SLC35D4: variants seen among roughly 807,000 people sequenced by gnomAD.
The protein encoded by SLC35D4 is UDP-N-acetylglucosamine transporter SLC35D4.
the SLC35D4 span, among the ~76,000 whole-genome samples, chr18:23,255,343 T>C: frequency 6.6e-6 from 1 of 152,108 alleles, no homozygotes. Flanking sequence ...TGTCTAGCTG[T>C]CTTCAGTGGC....
the SLC35D4 span, among the ~76,000 whole-genome samples, chr18:23,389,544 A>T: frequency 2.0e-5 from 3 of 151,584 alleles, no homozygotes; most frequent in Non-Finnish European, 4.4e-5. Flanking sequence ...ATATTAAGAC[A>T]GTTTGCACCT....
At chr18:23,324,383 C>T in the SLC35D4 span, among the ~76,000 whole-genome samples, 1 of 152,188 alleles carries the variant, frequency 6.6e-6, no homozygotes, top group Non-Finnish European at 1.5e-5. Context: ...AGACACCTTC[C>T]CTTGCTCTTT....
At chr18:23,355,491 G>A in the SLC35D4 span, among the ~76,000 whole-genome samples, 1 of 152,170 alleles carries the variant, frequency 6.6e-6, no homozygotes, top group Non-Finnish European at 1.5e-5. Context: ...CCAATTGACA[G>A]GAACTACGAA....
the SLC35D4 span, among the ~76,000 whole-genome samples, chr18:23,308,811 C>T: frequency 2.5e-3 from 385 of 151,394 alleles, 2 homozygotes; most frequent in Non-Finnish European, 3.9e-3. Flanking sequence ...ATGGAAAAAT[C>T]AAAGAAATGG....
the SLC35D4 span, among the ~76,000 whole-genome samples, chr18:23,376,496 T>TAGGAGCCTATAGC: frequency 6.6e-6 from 1 of 152,306 alleles, no homozygotes; most frequent in Non-Finnish European, 1.5e-5. Flanking sequence ...CTTGCTGACT[T>TAGGAGCCTATAGC]TCAAGGCACC....
chr18:23,349,528 G>C, the SLC35D4 span, among the ~76,000 whole-genome samples: 7 of 152,334 alleles, frequency 4.6e-5, no homozygotes, highest in South Asian at 6.2e-4. Flanking sequence ...CTACTCGGGA[G>C]GCTAAGGCAG....
the SLC35D4 span, among the ~76,000 whole-genome samples, chr18:23,269,218 C>A: frequency 6.6e-6 from 1 of 152,198 alleles, no homozygotes; most frequent in African/African-American, 2.4e-5. Flanking sequence ...TGGGAGGGAC[C>A]CAGTGGGAGA....
At chr18:23,303,537 T>C in the SLC35D4 span, among the ~76,000 whole-genome samples, 1 of 152,330 alleles carries the variant, frequency 6.6e-6, no homozygotes, top group South Asian at 2.1e-4. Context: ...CTGGGTTTCT[T>C]TGGCTCATTT....
At chr18:23,364,902 C>CAAAAAAAAAAA in the SLC35D4 span, among the ~76,000 whole-genome samples, 7 of 31,886 alleles carry the variant, frequency 2.2e-4, 1 homozygote, top group Admixed American at 6.6e-4. Flanking sequence ...GACTCTGTCT[C>CAAAAAAAAAAA]AAAAAAAAAA....
At chr18:23,267,667 C>T in the SLC35D4 span, among the ~76,000 whole-genome samples, 23 of 152,314 alleles carry the variant, frequency 1.5e-4, no homozygotes, top group East Asian at 1.9e-3. Flanking sequence ...GACTCTGTCC[C>T]GTTCCTCTGC....
chr18:23,327,151 G>C, the SLC35D4 span, among the ~76,000 whole-genome samples: 1 of 152,072 alleles, frequency 6.6e-6, no homozygotes, highest in Non-Finnish European at 1.5e-5. Flanking sequence ...GGAAAAGCAA[G>C]AACAAACAAA....
At chr18:23,252,061 G>A in the SLC35D4 span, among the ~76,000 whole-genome samples, 59 of 151,682 alleles carry the variant, frequency 3.9e-4, no homozygotes, top group East Asian at 7.0e-3. Flanking sequence ...ACTCCAGCCT[G>A]GGCAACAAAG....
the SLC35D4 span, among the ~76,000 whole-genome samples, chr18:23,279,486 C>A: frequency 6.6e-6 from 1 of 152,148 alleles, no homozygotes; most frequent in African/African-American, 2.4e-5. Flanking sequence ...ACTCCCAGTA[C>A]CTCCGAATGT....
chr18:23,385,232 G>GT, the SLC35D4 span, among the ~76,000 whole-genome samples: 1 of 152,200 alleles, frequency 6.6e-6, no homozygotes, highest in African/African-American at 2.4e-5. Context: ...CTTTGCTGCA[G>GT]TATTTCTCTG....
the SLC35D4 span, among the ~76,000 whole-genome samples, chr18:23,324,370 C>T: frequency 2.0e-5 from 3 of 152,198 alleles, no homozygotes; most frequent in South Asian, 4.1e-4. Flanking sequence ...GGGAATCGAG[C>T]TAAGACACCT....
the SLC35D4 span, among the ~76,000 whole-genome samples, chr18:23,279,086 G>A: frequency 2.0e-5 from 3 of 152,022 alleles, no homozygotes; most frequent in Non-Finnish European, 4.4e-5. Context: ...TGATCTGGCA[G>A]TGCCTTTGTC....
At chr18:23,411,443 AAAG>A in the SLC35D4 span, among the ~76,000 whole-genome samples, 1 of 151,036 alleles carries the variant, frequency 6.6e-6, no homozygotes, top group Non-Finnish European at 1.5e-5. Flanking sequence ...ACAGACAGAA[AAAG>A]AAGGATAAAG....
the SLC35D4 span, among the ~76,000 whole-genome samples, chr18:23,408,148 GACACAC>G: frequency 0.02 from 2,770 of 136,234 alleles, 71 homozygotes; most frequent in African/African-American, 0.077. Context: ...ACTGGCCTGA[GACACAC>G]ACACACACAC....
the SLC35D4 span, among the ~76,000 whole-genome samples, chr18:23,362,335 A>C: frequency 2.3e-3 from 353 of 152,340 alleles, 2 homozygotes; most frequent in Non-Finnish European, 4.2e-3. Context: ...GTGGTGGCTC[A>C]TGCCTGTAAT....
Sources: gnomAD v4.1 joint callset for allele counts (sites outside exome capture counted in the v4.1 genomes callset) on GRCh38, gnomAD v4.1.1 for gene constraint, MANE v1.5 for transcripts, NCBI Gene and HGNC (gene_info 2026-07-23, HGNC 2026-07-21) for gene names.